The following RPL3 variants were observed in gnomAD, a reference collection of about 807,000 sequenced individuals.
The protein encoded by RPL3 is ribosomal protein L3, also known as large ribosomal subunit protein uL3.
A neutral mutation model predicts 46.0 loss-of-function variants in RPL3; 3 were observed. The observed-to-expected ratio is 0.07, with a 90% CI of 0.03 to 0.17. The LOEUF is 0.17. Among genes scored for constraint, RPL3 ranks in the 10% least tolerant of loss-of-function variants. The pLI is 1.00. For synonymous variants in RPL3, 224 were observed against 190.8 expected, an observed-to-expected ratio of 1.17 and a Z score of -1.43; for missense variants, 387 against 532.7, an observed-to-expected ratio of 0.73 and a Z score of 2.69.
At chr22:39,313,354 G>C (rs372123467) in intron 8 of RPL3, 44 bp from the exon 9 acceptor site, 55 of 1,612,324 alleles carry the variant, frequency 3.4e-5, no homozygotes, top group Non-Finnish European at 4.3e-5. Context: ...CGAGGAGCCA[G>C]GCTTTCCTCA....
At position 39,317,570 on chromosome 22, in the gene RPL3, C is replaced by T. The variant is rs1922784105; in HGVS notation, c.256G>A (p.Val86Ile). 1.2e-6 allele frequency: 2 copies of T among 1,613,864 alleles called. No homozygotes were observed. Among genetic ancestry groups the T allele is most frequent in the African/African-American group, 1.3e-5 (1 of 74,920 alleles). Residue 86 changes from valine (V) to isoleucine (I), a missense_variant, in exon 3 of 10, where the codon GTT becomes ATT. Around this residue, in one of 5 missense-constraint regions of RPL3, gnomAD observed 196 missense variants for 217.5 expected, o/e 0.90. Transcript: ENST00000216146. ...TCCACGTAGCCCACAATGCCCACAA[C>T]CACCATGGGTGGTGTCTCTACAATG... ...VTIVETPPMV[V>I]VGIVGYVETP... is the part of the protein sequence containing the mutation.
chr22:39,315,575 G>C lies in RPL3; in HGVS notation c.502-20C>G, dbSNP rs1392208092. On this transcript the variant is annotated intron_variant, in intron 4 of 9. Coordinates refer to ENST00000216146, the MANE Select transcript of RPL3 (RefSeq NM_000967.4). ...GCGCATCTAGGAGAAGGTAGACACA[G>C]CTCAGCTCCAGCTGCCAGCGCTCCT... The C allele has an allele frequency of 6.2e-7, 1 of 1,612,100 alleles. No individual in the cohort carries two copies. Among genetic ancestry groups the C allele is most frequent in the East Asian group, 2.2e-5 (1 of 44,850 alleles).
In RPL3 at chr22:39,317,729, A is replaced by T. The variant is rs1601631212; in HGVS notation, c.197-100T>A. 2.6e-5 allele frequency: 34 copies of T among 1,329,032 alleles called. No individual in the cohort carries two copies. The South Asian group carries it at 4.4e-4, about 17-fold the overall frequency. 82.3% of individuals were successfully genotyped at this position (1,329,032 alleles called of 1,614,324 possible). On this transcript the variant is annotated intron_variant, in intron 2 of 9. Coordinates refer to ENST00000216146, the MANE Select transcript of RPL3 (RefSeq NM_000967.4). ...AGTGCCCATTTAGGCCGGAAGGGCA[A>T]CTGGGCCCCACACCTGCAGTACGGA...
chr22:39,315,267 G>T, intron 5 of RPL3, 102 bp downstream of exon 5: 2 of 1,464,922 alleles, frequency 1.4e-6, no homozygotes, highest in Non-Finnish European at 9.6e-7. Flanking sequence ...CGATTCGGGC[G>T]CTGTACCCAG....
chr22:39,315,030 A>G, intron 5 of RPL3, 184 bp from the exon 6 acceptor site: 1 of 815,832 alleles, frequency 1.2e-6, no homozygotes, highest in Non-Finnish European at 1.9e-6. Flanking sequence ...CCTGAACTCA[A>G]TTCTGAATGG....
At chr22:39,316,370 C>T (rs1283773543) in intron 4 of RPL3, among the ~76,000 whole-genome samples, 2 of 152,176 alleles carry the variant, frequency 1.3e-5, no homozygotes, top group Non-Finnish European at 1.5e-5. Context: ...TTGCACTCAG[C>T]ACTTGAGATC....
rs1435499094 is a variant in RPL3, at chr22:39,313,194, G to A, written c.1164C>T (p.Phe388=). Residue 388 remains phenylalanine (F), a synonymous_variant, in exon 9 of 10, where the codon TTC becomes TTT. Transcript: ENST00000216146. The stretch of plus-strand genomic sequence containing the variant: ...GGGGGCAGGCAGAGGTGCTCACCAT[G>A]AATGCTTTCTTCTCCTCCATGGTCT... ...RFQTMEEKKA[F]MGPLKKDRIA... The A allele has an allele frequency of 6.2e-7, 1 of 1,607,930 alleles. No individual in the cohort carries two copies. Among genetic ancestry groups the A allele is most frequent in the Non-Finnish European group, 8.5e-7 (1 of 1,177,242 alleles).
At chr22:39,318,228 AAT>A in intron 2 of RPL3, 170 bp downstream of exon 2, 1 of 641,560 alleles carries the variant, frequency 1.6e-6, no homozygotes, top group Middle Eastern at 2.5e-4. Flanking sequence ...GTAGCCTTGG[AAT>A]ATTAGTTTTC....
Position 39,313,330 on chromosome 22 carries a change from G to T in RPL3, c.1048-20C>A. 6.2e-7 allele frequency: 1 copy of T among 1,613,852 alleles called. No individual in the cohort carries two copies. Among genetic ancestry groups the T allele is most frequent in the Non-Finnish European group, 8.5e-7 (1 of 1,179,920 alleles). On this transcript the variant is annotated intron_variant, in intron 8 of 9. Coordinates refer to ENST00000216146, the MANE Select transcript of RPL3 (RefSeq NM_000967.4). ...CAAGGACTATGGGCCAAGAGGGGAA[G>T]GGATTTAGGATTACGAGGAGCCAGG...
At chr22:39,314,308 C>A (rs921860913) in intron 6 of RPL3, 100 bp from the exon 7 acceptor site, 18 of 1,026,782 alleles carry the variant, frequency 1.8e-5, no homozygotes, top group Non-Finnish European at 2.4e-5. Flanking sequence ...GCAGCTGAGG[C>A]CTCAGTCCCA....
chr22:39,315,994 C>T (rs1373485072), intron 4 of RPL3, among the ~76,000 whole-genome samples: 2 of 152,146 alleles, frequency 1.3e-5, no homozygotes, highest in African/African-American at 4.8e-5. Context: ...AATCCCAGCA[C>T]TTTGGGAGGC....
In RPL3 at chr22:39,314,322, A is replaced by C. The variant is rs931614502; in HGVS notation, c.850-114T>G. 6.6e-6 allele frequency: 6 copies of C among 904,948 alleles called. No homozygotes were observed. In the Admixed American group the frequency reaches 9.8e-5, roughly 15 times the overall value. 56.1% of individuals were successfully genotyped at this position (904,948 alleles called of 1,614,324 possible). ...GGCAGCTGAGGCCTCAGTCCCAGTCACAGCGTATCCCAAGGTCAGAGCAAA... is the reference window on the plus strand; with the variant it reads ...GGCAGCTGAGGCCTCAGTCCCAGTCCCAGCGTATCCCAAGGTCAGAGCAAA... On this transcript the variant is annotated intron_variant, in intron 6 of 9. Transcript: ENST00000216146.
At chr22:39,313,421 C>CA in intron 8 of RPL3, 111 bp from the exon 9 acceptor site, 17 of 1,513,258 alleles carry the variant, frequency 1.1e-5, no homozygotes, top group Non-Finnish European at 1.5e-5. Context: ...CAGCCTCCCC[C>CA]ACCATCCGGC....
At chr22:39,316,641 C>T in intron 4 of RPL3, 65 bp downstream of exon 4, 2 of 1,605,628 alleles carry the variant, frequency 1.2e-6, no homozygotes, top group Non-Finnish European at 1.7e-6. Flanking sequence ...GCACGGGACC[C>T]CCATGATCAC....
Position 39,313,438 on chromosome 22 carries a change from G to A in RPL3, c.1048-128C>T, listed in dbSNP as rs368844551. The A allele has an allele frequency of 4.8e-6, 7 of 1,458,598 alleles. No individual in the cohort carries two copies. In the African/African-American group the frequency reaches 9.8e-5, roughly 20 times the overall value. 90.4% of individuals were successfully genotyped at this position (1,458,598 alleles called of 1,614,324 possible). A position where few individuals can be genotyped will look rare whatever the true frequency, so the allele number is the denominator to read the frequency against. On this transcript the variant is annotated intron_variant, in intron 8 of 9. Transcript: ENST00000216146. ...GCCTCCCCCACCATCCGGCAGATGA[G>A]GACACACTCAAAGCAGCAAACAGCC...
At chr22:39,313,871 G>A (rs772152177) in intron 7 of RPL3, 142 bp from the exon 8 acceptor site, 5 of 903,454 alleles carry the variant, frequency 5.5e-6, no homozygotes, top group South Asian at 2.6e-5. Flanking sequence ...TGTCTCGGGC[G>A]CTGTGCCCAG....
At chr22:39,313,413 G>C in intron 8 of RPL3, 103 bp from the exon 9 acceptor site, 1 of 1,543,166 alleles carries the variant, frequency 6.5e-7, no homozygotes, top group Non-Finnish European at 8.8e-7. Context: ...GATCAATTCA[G>C]CCTCCCCCAC....
At chr22:39,319,137 T>A (rs1922892247) in intron 1 of RPL3, 1 of 541,582 alleles carries the variant, frequency 1.8e-6, no homozygotes, top group Non-Finnish European at 3.8e-6. Context: ...CCAGAGGCCT[T>A]CGGAGTGCAC....
chr22:39,314,647 C>A (rs1247064226), intron 6 of RPL3, 39 bp downstream of exon 6: 3 of 1,585,018 alleles, frequency 1.9e-6, no homozygotes, highest in Admixed American at 3.5e-5. Context: ...ATCACGGGGG[C>A]CTCTTCCCAC....
Sources: gnomAD v4.1 joint callset for allele counts (sites outside exome capture counted in the v4.1 genomes callset) on GRCh38, gnomAD v4.1.1 for gene constraint, gnomAD v4.1.1 regional missense constraint, MANE v1.5 for transcripts, NCBI Gene and HGNC (gene_info 2026-07-23, HGNC 2026-07-21) for gene names.